DCLK3: variants seen among roughly 807,000 people sequenced by gnomAD.
DCLK3 encodes the protein serine/threonine-protein kinase DCLK3.
A neutral mutation model predicts 46.4 loss-of-function variants in DCLK3; 30 were observed. The ratio of observed to expected loss-of-function variants is 0.65; its 90% CI spans 0.48 to 0.88. DCLK3 has a LOEUF of 0.88. Among genes scored for constraint, DCLK3 ranks in the 40% least tolerant of loss-of-function variants. The probability of loss-of-function intolerance (pLI) is 0.00; values close to 1 mark genes in which losing one functional copy is unlikely to be tolerated. For synonymous variants in DCLK3, 401 were observed against 339.2 expected (o/e 1.18, Z -2.00); for missense variants, 846 against 907.1 (o/e 0.93, Z 0.87).
At chr3:36,718,806 T>C (rs1014260539) in intron 3 of DCLK3, among the ~76,000 whole-genome samples, 19 of 152,164 alleles carry the variant, frequency 1.2e-4, no homozygotes, top group African/African-American at 4.3e-4. Flanking sequence ...TGTATCCCCA[T>C]GTGTGCACAC....
At chr3:36,751,551 T>C (rs943036032) in intron 1 of DCLK3, among the ~76,000 whole-genome samples, 3 of 152,256 alleles carry the variant, frequency 2.0e-5, no homozygotes, top group Non-Finnish European at 4.4e-5. Flanking sequence ...ACAGCCCAAC[T>C]GCTGCATCTA....
chr3:36,753,021 G>C (rs570516687), intron 1 of DCLK3, among the ~76,000 whole-genome samples: 1 of 152,178 alleles, frequency 6.6e-6, no homozygotes, highest in African/African-American at 2.4e-5. Flanking sequence ...TATTGTCAAG[G>C]GTAGGAAAAG....
At chr3:36,755,184 T>C (rs1184138839) in intron 1 of DCLK3, among the ~76,000 whole-genome samples, 3 of 152,188 alleles carry the variant, frequency 2.0e-5, no homozygotes, top group South Asian at 2.1e-4. Context: ...CATTCCAGAA[T>C]GTAAAAGCCT....
At chr3:36,751,053 C>T (rs1042063625) in intron 1 of DCLK3, among the ~76,000 whole-genome samples, 16 of 50,994 alleles carry the variant, frequency 3.1e-4, no homozygotes, top group Admixed American at 1.6e-3. Flanking sequence ...TCCCTGTAGA[C>T]GGGATGATCT....
At position 36,739,058 on chromosome 3, in the gene DCLK3, G is replaced by A. The variant is rs1374044548; in HGVS notation, c.109C>T (p.Leu37=). 2 of 398,594 alleles carry A rather than the reference G, an allele frequency of 5.0e-6. No individual in the cohort carries two copies. The highest frequency in any genetic ancestry group is 8.8e-6 in the Non-Finnish European group (2 of 226,090). The allele number at this position is 398,594 out of a possible 1,614,324, so 24.7% of individuals were successfully genotyped here. The change falls in exon 2 of 5, where the codon CTA becomes TTA. Residue 37 remains leucine, a synonymous_variant. Transcript: ENST00000636136. ...GTGATTCTCGAGCTTAAATATTTTAGAGAATGGTCACATAGGCCTTGCTGT... is the reference window on the plus strand; with the variant it reads ...GTGATTCTCGAGCTTAAATATTTTAAAGAATGGTCACATAGGCCTTGCTGT... ...PGQQGLCDHS[L]KYLSSRITER...
intron 1 of DCLK3, among the ~76,000 whole-genome samples, chr3:36,753,429 G>T (rs1701460897): frequency 6.6e-6 from 1 of 152,098 alleles, no homozygotes; most frequent in Non-Finnish European, 1.5e-5. Flanking sequence ...TCCTTACCTA[G>T]CCCTCTGCAC....
chr3:36,761,741 C>T (rs1259745501), intron 1 of DCLK3, among the ~76,000 whole-genome samples: 1 of 152,118 alleles, frequency 6.6e-6, no homozygotes, highest in East Asian at 1.9e-4. Context: ...ACCCAGTAAC[C>T]TCACCGTCAA....
At position 36,739,071 on chromosome 3, in the gene DCLK3, T is replaced by C. The variant is rs1343291124; in HGVS notation, c.96A>G (p.Leu32=). The C allele has an allele frequency of 3.0e-5, 12 of 398,542 alleles. No homozygotes were observed. Among genetic ancestry groups the C allele is most frequent in the Non-Finnish European group, 4.4e-5 (10 of 226,088 alleles). 24.7% of individuals were successfully genotyped at this position (398,542 alleles called of 1,614,324 possible). ...TTAAATATTTTAGAGAATGGTCACA[T>C]AGGCCTTGCTGTCCTGCAACAAGAA... is the stretch of plus-strand genomic sequence containing the variant. The part of the protein sequence containing the change: ...PARPAPGQQG[L]CDHSLKYLSS... Residue 32 remains leucine (L), a synonymous_variant, in exon 2 of 5, where the codon CTA becomes CTG. Coordinates refer to ENST00000636136, the MANE Select transcript of DCLK3 (RefSeq NM_001394672.2).
chr3:36,712,782 C>G lies in DCLK3; in HGVS notation c.*2546G>C, dbSNP rs1168073115. 1.3e-5 allele frequency: 2 copies of G among 152,128 alleles called. No individual in the cohort carries two copies. The highest frequency in any genetic ancestry group is 2.9e-5 in the Non-Finnish European group (2 of 68,024). 9.4% of individuals were successfully genotyped at this position (152,128 alleles called of 1,614,324 possible). A position where few individuals can be genotyped will look rare whatever the true frequency, so the allele number is the denominator to read the frequency against. On this transcript the variant is annotated 3_prime_UTR_variant, in exon 5 of 5. Transcript: ENST00000636136. Reference sequence around the variant, plus strand: ...TTGTTCGTGTATGAATAGTTCATCCCTTTTTTGTGGCTGTTATTCATTGTG... The same window carrying G: ...TTGTTCGTGTATGAATAGTTCATCCGTTTTTTGTGGCTGTTATTCATTGTG...
At chr3:36,759,021 T>G (rs1172964641) in intron 1 of DCLK3, among the ~76,000 whole-genome samples, 1 of 152,242 alleles carries the variant, frequency 6.6e-6, no homozygotes, top group Admixed American at 6.5e-5. Context: ...GTTTTGGTTA[T>G]GTGGTCATAT....
Position 36,737,625 on chromosome 3 carries a change from C to T in DCLK3, c.1542G>A (p.Met514Ile). Residue 514 changes from methionine (M) to isoleucine (I), a missense_variant, in exon 2 of 5, where the codon ATG becomes ATA. By Grantham distance (10) the Met-to-Ile change is conservative. Coordinates refer to ENST00000636136, the MANE Select transcript of DCLK3 (RefSeq NM_001394672.2). The surrounding 1 kb of genome is among the most constrained non-coding windows in gnomAD (Gnocchi z 4.4). ...TTTCCACATTGGCGGCAATGATGCCCATGGGCCGTGGCTTCCGACCGCTGG... is the reference window on the plus strand; with the variant it reads ...TTTCCACATTGGCGGCAATGATGCCTATGGGCCGTGGCTTCCGACCGCTGG... ...ERPSGRKPRP[M>I]GIIAANVEKH... The T allele has an allele frequency of 3.1e-6, 5 of 1,614,144 alleles. No homozygotes were observed. The highest frequency in any genetic ancestry group is 4.2e-6 in the Non-Finnish European group (5 of 1,180,014).
intron 1 of DCLK3, among the ~76,000 whole-genome samples, chr3:36,757,069 A>T (rs995278832): frequency 6.6e-6 from 1 of 152,102 alleles, no homozygotes; most frequent in Non-Finnish European, 1.5e-5. Context: ...CAGTTGGTGC[A>T]TTAGGTTAAT....
chr3:36,736,898 A>T lies in DCLK3; in HGVS notation c.1959+310T>A, dbSNP rs533583871. On this transcript the variant is annotated intron_variant, in intron 2 of 4. Transcript: ENST00000636136. ...AGCTGCCATCAGTAGGCATCCCAGT[A>T]CCTAAGTGCCAAGAAATTAAGTCCA... Among the ~76,000 whole-genome samples the T allele has an allele frequency of 1.2e-4, 19 of 152,332 alleles. No individual in the cohort carries two copies. The East Asian group carries it at 3.3e-3, about 26-fold the overall frequency.
intron 1 of DCLK3, among the ~76,000 whole-genome samples, chr3:36,747,580 T>G (rs1037014886): frequency 2.6e-5 from 4 of 151,922 alleles, no homozygotes; most frequent in Non-Finnish European, 4.4e-5. Flanking sequence ...GAGTCTAGAG[T>G]CCTCTCTGGT....
At chr3:36,745,062 G>T (rs1364610055) in intron 1 of DCLK3, among the ~76,000 whole-genome samples, 1 of 152,170 alleles carries the variant, frequency 6.6e-6, no homozygotes, top group African/African-American at 2.4e-5. Context: ...CACCTTATTA[G>T]GCTGGAAAGG....
In DCLK3 at chr3:36,737,684, T is replaced by C. The variant is rs1701283033; in HGVS notation, c.1483A>G (p.Lys495Glu). 1.2e-6 allele frequency: 2 copies of C among 1,613,726 alleles called. No homozygotes were observed. Among genetic ancestry groups the C allele is most frequent in the Middle Eastern group, 1.6e-4 (1 of 6,082 alleles). ...GGCTTGTTCTCTTCTGGCCTCGTCT[T>C]GGGCTCCTTTTCTAGCTTTGCAGGT... ...DQPAKLEKEP[K>E]TRPEENKPER... Residue 495 changes from lysine (K) to glutamate (E), a missense_variant, in exon 2 of 5, where the codon AAG becomes GAG. Transcript: ENST00000636136. The surrounding 1 kb of genome is among the most constrained non-coding windows in gnomAD (Gnocchi z 4.4).
chr3:36,751,085 A>AAAAAAAAAAAAAAT (rs1701437845), intron 1 of DCLK3, among the ~76,000 whole-genome samples: 2 of 151,474 alleles, frequency 1.3e-5, no homozygotes, highest in African/African-American at 2.4e-5. Flanking sequence ...AAAAAAAAAA[A>AAAAAAAAAAAAAAT]ACTCCCCGAA....
intron 1 of DCLK3, among the ~76,000 whole-genome samples, chr3:36,750,794 G>A (rs1268963032): frequency 6.6e-6 from 1 of 152,170 alleles, no homozygotes; most frequent in African/African-American, 2.4e-5. Flanking sequence ...TCCGCAGATC[G>A]TGAATGTTTT....
intron 1 of DCLK3, among the ~76,000 whole-genome samples, chr3:36,740,516 C>T (rs1701333186): frequency 6.6e-6 from 1 of 152,090 alleles, no homozygotes; most frequent in Non-Finnish European, 1.5e-5. Context: ...GATGGTTTTC[C>T]CTCTTCTTAT....
Sources: allele counts gnomAD v4.1 joint callset (sites outside exome capture counted in the v4.1 genomes callset), GRCh38; gene constraint gnomAD v4.1.1; non-coding constraint Gnocchi (gnomAD v3.1); transcripts MANE v1.5; gene names NCBI Gene and HGNC (gene_info 2026-07-23, HGNC 2026-07-21).